The following PRICKLE2 variants were observed in gnomAD, a reference collection of about 807,000 sequenced individuals.
PRICKLE2 encodes prickle planar cell polarity protein 2, also known as prickle-like protein 2.
A neutral mutation model predicts 81.4 loss-of-function variants in PRICKLE2; 21 were observed. The observed-to-expected ratio is 0.26, with a 90% CI of 0.18 to 0.37. The LOEUF is 0.37. Among genes scored for constraint, PRICKLE2 ranks in the 10% least tolerant of loss-of-function variants. The pLI is 1.00. For synonymous variants in PRICKLE2, 456 were observed against 421.5 expected, an observed-to-expected ratio of 1.08 and a Z score of -1.00; for missense variants, 940 against 1,109.0, an observed-to-expected ratio of 0.85 and a Z score of 2.16.
chr3:64,149,529 T>G (rs2077510599), intron 6 of PRICKLE2, among the ~76,000 whole-genome samples: 1 of 152,116 alleles, frequency 6.6e-6, no homozygotes, highest in South Asian at 2.1e-4. Flanking sequence ...GACTGTAGGG[T>G]GGACCAGGAC....
chr3:64,165,874 T>C (rs925656502), intron 2 of PRICKLE2, among the ~76,000 whole-genome samples: 2 of 152,104 alleles, frequency 1.3e-5, no homozygotes, highest in Admixed American at 6.5e-5. Flanking sequence ...GCCACTTATA[T>C]TAGTCAAAGC....
chr3:64,167,095 TG>T (rs1418995229), intron 2 of PRICKLE2, among the ~76,000 whole-genome samples: 1 of 152,196 alleles, frequency 6.6e-6, no homozygotes, highest in Non-Finnish European at 1.5e-5. Flanking sequence ...GGGAAAATAC[TG>T]AGTATACTTT....
chr3:64,230,147 T>C (rs1210308336), upstream of PRICKLE2, among the ~76,000 whole-genome samples: 3 of 152,164 alleles, frequency 2.0e-5, no homozygotes, highest in Non-Finnish European at 4.4e-5. Context: ...GTGGTCAAAC[T>C]AGTCTCATGA....
At chr3:64,186,129 T>C (rs993188084) in intron 2 of PRICKLE2, among the ~76,000 whole-genome samples, 13 of 152,244 alleles carry the variant, frequency 8.5e-5, no homozygotes, top group African/African-American at 3.1e-4. Context: ...TATTGTGAAG[T>C]AGTAGTATAC....
Position 64,098,809 on chromosome 3 carries a change from A to C in PRICKLE2, c.*242T>G. 1 of 541,200 alleles carries C rather than the reference A, an allele frequency of 1.8e-6. No homozygotes were observed. Among genetic ancestry groups the C allele is most frequent in the Non-Finnish European group, 3.3e-6 (1 of 300,816 alleles). The allele number at this position is 541,200 out of a possible 1,614,324, so 33.5% of individuals were successfully genotyped here. ...CAGAACTGATGGGAAGGAAGTGACC[A>C]AGCCTGGCCTCGATAGAGTCTACTG... On this transcript the variant is annotated 3_prime_UTR_variant, in exon 8 of 8. Transcript: ENST00000638394.
chr3:64,186,646 T>G (rs1232680976), intron 2 of PRICKLE2, among the ~76,000 whole-genome samples: 7 of 152,168 alleles, frequency 4.6e-5, no homozygotes, highest in African/African-American at 1.7e-4. Context: ...ATCACACCTA[T>G]ACTAACAGCT....
intron 7 of PRICKLE2, 47 bp downstream of exon 7, chr3:64,146,783 C>G (rs761560889): frequency 6.2e-7 from 1 of 1,609,816 alleles, no homozygotes; most frequent in South Asian, 1.1e-5. Flanking sequence ...TCCAGTCACC[C>G]AGAGACTACC....
intron 2 of PRICKLE2, among the ~76,000 whole-genome samples, chr3:64,165,985 T>G (rs200564873): frequency 2.0e-4 from 6 of 30,762 alleles, no homozygotes; most frequent in African/African-American, 5.6e-4. Flanking sequence ...TGTGTGTGTG[T>G]GTGTGTGTGT....
At chr3:64,254,981 G>C (rs1212570044) in intron 2 of PRICKLE2, among the ~76,000 whole-genome samples, 1 of 152,106 alleles carries the variant, frequency 6.6e-6, no homozygotes, top group Non-Finnish European at 1.5e-5. Context: ...TCAGTACCTA[G>C]CAAGCATTTA....
intron 2 of PRICKLE2, among the ~76,000 whole-genome samples, chr3:64,252,836 T>C (rs1293285815): frequency 1.3e-5 from 2 of 152,240 alleles, no homozygotes; most frequent in Admixed American, 6.5e-5. Flanking sequence ...GTGGGCCATA[T>C]AGTCTCTGTC....
Position 64,191,999 on chromosome 3 carries a change from G to A in PRICKLE2, c.144+6785C>T, listed in dbSNP as rs78436224. Among the ~76,000 whole-genome samples, 20 of 152,338 alleles carry A rather than the reference G, an allele frequency of 1.3e-4. No individual in the cohort carries two copies. The East Asian group carries it at 3.9e-3, about 29-fold the overall frequency. On this transcript the variant is annotated intron_variant, in intron 2 of 7. Transcript: ENST00000638394. ...TGCCTCAGGTTTGCTAAATGCAGCC[G>A]TTGGCAAGATGTCACCCTCTCTGGC...
intron 7 of PRICKLE2, among the ~76,000 whole-genome samples, chr3:64,125,666 T>C (rs1311669907): frequency 6.6e-6 from 1 of 152,246 alleles, no homozygotes; most frequent in African/African-American, 2.4e-5. Flanking sequence ...GTACACTTTT[T>C]AGACAGAATA....
intron 7 of PRICKLE2, among the ~76,000 whole-genome samples, chr3:64,144,826 AT>A (rs1231253910): frequency 2.0e-5 from 3 of 152,226 alleles, no homozygotes; most frequent in Non-Finnish European, 4.4e-5. Context: ...AACCTGATCA[AT>A]AAGACAAGCC....
chr3:64,169,381 T>C (rs1434994148), intron 2 of PRICKLE2, among the ~76,000 whole-genome samples: 1 of 152,200 alleles, frequency 6.6e-6, no homozygotes, highest in Non-Finnish European at 1.5e-5. Context: ...TAACCCTGGA[T>C]TGCGTTTCTC....
intron 2 of PRICKLE2, among the ~76,000 whole-genome samples, chr3:64,242,788 A>C (rs2079286726): frequency 6.6e-6 from 1 of 152,226 alleles, no homozygotes; most frequent in Admixed American, 6.5e-5. Flanking sequence ...CAATCTGTGC[A>C]CCCTGCCAGC....
chr3:64,263,727 T>C (rs1398174515), intron 2 of PRICKLE2, among the ~76,000 whole-genome samples: 1 of 152,124 alleles, frequency 6.6e-6, no homozygotes, highest in Non-Finnish European at 1.5e-5. Flanking sequence ...GGGCCCTTGA[T>C]GGAAACATAA....
At chr3:64,114,240 T>G (rs1096266) in intron 7 of PRICKLE2, among the ~76,000 whole-genome samples, 117,125 of 151,714 alleles carry the variant, frequency 0.77, 46,885 homozygotes, top group Non-Finnish European at 0.88. Flanking sequence ...CCTCAAAGAT[T>G]GAAGGTAGAT....
chr3:64,198,910 C>T lies in PRICKLE2; in HGVS notation c.18G>A (p.Pro6=), dbSNP rs754063352. The T allele has an allele frequency of 4.3e-5, 69 of 1,614,020 alleles. No individual in the cohort carries two copies. Among genetic ancestry groups the T allele is most frequent in the Admixed American group, 1.8e-4 (11 of 60,004 alleles). MVTVM[P]LEMEKTISKL... ...TGCTGATGGTCTTCTCCATCTCCAGCGGCATCACTGTCACCATGTGCTCCT... is the reference window on the plus strand; with the variant it reads ...TGCTGATGGTCTTCTCCATCTCCAGTGGCATCACTGTCACCATGTGCTCCT... Residue 6 remains proline (P), a synonymous_variant, in exon 2 of 8, where the codon CCG becomes CCA. Transcript: ENST00000638394.
chr3:64,149,734 G>A (rs556146532), intron 6 of PRICKLE2, among the ~76,000 whole-genome samples: 1 of 152,304 alleles, frequency 6.6e-6, no homozygotes, highest in South Asian at 2.1e-4. Flanking sequence ...ACCGGCCCAA[G>A]CAGCCTACCT....
Sources: gnomAD v4.1 joint callset for allele counts (sites outside exome capture counted in the v4.1 genomes callset) on GRCh38, gnomAD v4.1.1 for gene constraint, MANE v1.5 for transcripts, NCBI Gene and HGNC (gene_info 2026-07-23, HGNC 2026-07-21) for gene names.